The following FSD1L variants were observed in gnomAD, a reference collection of about 807,000 sequenced individuals.
FSD1L encodes the protein FSD1-like protein.
In FSD1L, 45 loss-of-function variants were observed where a neutral mutation model predicts 71.6. That is an observed-to-expected ratio of 0.63 (90% CI 0.49 to 0.81). FSD1L has a LOEUF of 0.81. Ranked by LOEUF, FSD1L falls within the 30% of genes least tolerant of loss-of-function variation. FSD1L has a pLI of 0.00. For synonymous variants in FSD1L, 197 were observed against 207.2 expected, an observed-to-expected ratio of 0.95 and a Z score of 0.42; for missense variants, 561 against 618.1, an observed-to-expected ratio of 0.91 and a Z score of 0.98.
At chr9:105,488,342 A>G (rs949499547) in intron 7 of FSD1L, among the ~76,000 whole-genome samples, 4 of 152,122 alleles carry the variant, frequency 2.6e-5, no homozygotes, top group Non-Finnish European at 4.4e-5. Flanking sequence ...CTCCATGTAT[A>G]TTGATGACCT....
At chr9:105,535,555 C>T (rs1046876128) in intron 12 of FSD1L, among the ~76,000 whole-genome samples, 4 of 152,096 alleles carry the variant, frequency 2.6e-5, no homozygotes, top group Non-Finnish European at 4.4e-5. Flanking sequence ...AAAGATTTTG[C>T]TAATTTTAGT....
chr9:105,498,450 C>T (rs1833561119), intron 7 of FSD1L, among the ~76,000 whole-genome samples: 2 of 151,940 alleles, frequency 1.3e-5, no homozygotes, highest in Admixed American at 6.6e-5. Context: ...CAAACCTGTA[C>T]AGCATGTTAC....
At chr9:105,453,930 C>T (rs923732359) in intron 1 of FSD1L, among the ~76,000 whole-genome samples, 4 of 152,144 alleles carry the variant, frequency 2.6e-5, no homozygotes, top group Admixed American at 2.6e-4. Context: ...TCTTCCCAGC[C>T]ACAAGGTTCT....
At chr9:105,510,827 G>C (rs866832845) in intron 9 of FSD1L, among the ~76,000 whole-genome samples, 9 of 151,968 alleles carry the variant, frequency 5.9e-5, no homozygotes, top group South Asian at 2.1e-4. Flanking sequence ...TAATTTTATA[G>C]TACCAAGAAA....
At chr9:105,530,561 TTGAAGCAGTGC>T in intron 10 of FSD1L, 1 of 696,680 alleles carries the variant, frequency 1.4e-6, no homozygotes, top group Non-Finnish European at 2.6e-6. Flanking sequence ...TTAATACATT[TTGAAGCAGTGC>T]TAAGTGAAAT....
chr9:105,472,913 G>A (rs1456889239), intron 5 of FSD1L: 1 of 152,150 alleles, frequency 6.6e-6, no homozygotes, highest in Non-Finnish European at 1.5e-5. Context: ...CTTTAAATTT[G>A]GAGGTGAGTT....
Position 105,542,146 on chromosome 9 carries a change from T to C in FSD1L, c.1467+2795T>C, listed in dbSNP as rs377482672. On this transcript the variant is annotated intron_variant, in intron 13 of 13. Transcript: ENST00000481272. ...GCAGTAATAGAGTAGCTGTATCACA[T>C]TGAAAGTGTATGTTTAACTTCATGG... Among the ~76,000 whole-genome samples, 15 of 152,352 alleles carry C rather than the reference T, an allele frequency of 9.8e-5. No homozygotes were observed. The East Asian group carries it at 1.2e-3, about 12-fold the overall frequency.
At chr9:105,487,662 A>G (rs887178621) in intron 7 of FSD1L, among the ~76,000 whole-genome samples, 3 of 152,062 alleles carry the variant, frequency 2.0e-5, no homozygotes, top group African/African-American at 7.2e-5. Context: ...TATGTGGTGT[A>G]TATCCTTGCT....
chr9:105,498,091 C>T lies in FSD1L; in HGVS notation c.587-8308C>T, dbSNP rs150708522. On this transcript the variant is annotated intron_variant, in intron 7 of 13. Coordinates refer to ENST00000481272, the MANE Select transcript of FSD1L (RefSeq NM_001145313.3). Reference sequence around the variant, plus strand: ...AACCCCTGGCCTCAAGTGATCTTCCCACCTCAGCCTTCTAAAGCACTGGGA... The same window carrying T: ...AACCCCTGGCCTCAAGTGATCTTCCTACCTCAGCCTTCTAAAGCACTGGGA... 5.6e-3 allele frequency among the ~76,000 whole-genome samples: 848 copies of T among 152,022 alleles called. 12 individuals carry two copies. The highest frequency in any genetic ancestry group is 0.019 in the African/African-American group (804 of 41,458).
intron 7 of FSD1L, chr9:105,500,809 G>A (rs1937635863): frequency 6.6e-6 from 1 of 152,088 alleles, no homozygotes; most frequent in Non-Finnish European, 1.5e-5. Context: ...TTTGCCAAGG[G>A]ATTATAATCT....
At chr9:105,511,608 C>G (rs777857561) in intron 9 of FSD1L, among the ~76,000 whole-genome samples, 2 of 152,098 alleles carry the variant, frequency 1.3e-5, no homozygotes, top group South Asian at 4.1e-4. Flanking sequence ...TGTGAACTTC[C>G]TTGTACTGTA....
intron 1 of FSD1L, among the ~76,000 whole-genome samples, chr9:105,450,882 A>C (rs1245809013): frequency 6.6e-6 from 1 of 152,176 alleles, no homozygotes; most frequent in African/African-American, 2.4e-5. Context: ...AGCATACAAA[A>C]ATACTGTTAG....
intron 2 of FSD1L, among the ~76,000 whole-genome samples, chr9:105,462,107 G>A (rs1304324670): frequency 6.6e-6 from 1 of 151,994 alleles, no homozygotes; most frequent in Non-Finnish European, 1.5e-5. Flanking sequence ...ATATGTAAAT[G>A]GGAAGCTATT....
chr9:105,467,894 A>G (rs1239961398), intron 3 of FSD1L, among the ~76,000 whole-genome samples: 1 of 152,228 alleles, frequency 6.6e-6, no homozygotes, highest in Non-Finnish European at 1.5e-5. Context: ...GAAGTTGGGA[A>G]CGTTAAAACA....
chr9:105,454,399 A>G (rs1012457599), intron 1 of FSD1L, among the ~76,000 whole-genome samples: 2 of 152,216 alleles, frequency 1.3e-5, no homozygotes, highest in African/African-American at 4.8e-5. Flanking sequence ...AATATCACAG[A>G]TAAGCATCCT....
At chr9:105,448,256 C>A in intron 1 of FSD1L, 21 bp downstream of exon 1, 1 of 1,295,606 alleles carries the variant, frequency 7.7e-7, no homozygotes, top group Non-Finnish European at 1.0e-6. Context: ...GAGGGGAGCC[C>A]GGGGCTACCG....
chr9:105,461,454 A>T, intron 1 of FSD1L, 66 bp from the exon 2 acceptor site: 1 of 645,306 alleles, frequency 1.5e-6, no homozygotes, highest in East Asian at 2.9e-5. Flanking sequence ...AAATTAATTT[A>T]TCCTGTTTTT....
chr9:105,468,570 T>C (rs1256186365), intron 4 of FSD1L, among the ~76,000 whole-genome samples: 1 of 151,830 alleles, frequency 6.6e-6, no homozygotes, highest in Non-Finnish European at 1.5e-5. Context: ...TCTTGGTTCA[T>C]TGCAACCTCT....
chr9:105,447,999 G>A, upstream of FSD1L: 1 of 557,112 alleles, frequency 1.8e-6, no homozygotes, highest in East Asian at 3.5e-5. Context: ...CGCAGGCGCG[G>A]TGCGCTCCTC....
Sources: allele counts gnomAD v4.1 joint callset (sites outside exome capture counted in the v4.1 genomes callset), GRCh38; gene constraint gnomAD v4.1.1; transcripts MANE v1.5; gene names NCBI Gene and HGNC (gene_info 2026-07-23, HGNC 2026-07-21).